GRID2: variants seen among roughly 807,000 people sequenced by gnomAD.
GRID2 encodes the protein glutamate ionotropic receptor delta type subunit 2, also known as glutamate receptor ionotropic, delta-2.
GRID2 carries 33 observed loss-of-function variants against 114.8 expected under a neutral mutation model. The ratio of observed to expected loss-of-function variants is 0.29; its 90% CI spans 0.22 to 0.38. The LOEUF is 0.38. Ranked by LOEUF, GRID2 falls within the 10% of genes least tolerant of loss-of-function variation. The pLI is 1.00. For synonymous variants in GRID2, 505 were observed against 449.9 expected (o/e 1.12, Z -1.55); for missense variants, 1,184 against 1,257.7 (o/e 0.94, Z 0.89).
chr4:92,770,384 C>T (rs1478559527), intron 2 of GRID2, among the ~76,000 whole-genome samples: 2 of 152,086 alleles, frequency 1.3e-5, no homozygotes, highest in Admixed American at 6.6e-5. Context: ...TCTTCTGAGC[C>T]CTCCAAACTG....
At chr4:92,794,037 T>A (rs112692531) in intron 2 of GRID2, among the ~76,000 whole-genome samples, 14 of 151,986 alleles carry the variant, frequency 9.2e-5, no homozygotes, top group African/African-American at 3.4e-4. Flanking sequence ...TTAGTGGCCA[T>A]TGTTTGGAAA....
At chr4:93,172,242 G>A (rs897947942) in intron 4 of GRID2, among the ~76,000 whole-genome samples, 3 of 152,220 alleles carry the variant, frequency 2.0e-5, no homozygotes, top group Non-Finnish European at 4.4e-5. Context: ...TATTGTCATG[G>A]ATACTGACAG....
intron 14 of GRID2, among the ~76,000 whole-genome samples, chr4:93,660,689 A>T (rs1723412633): frequency 6.6e-6 from 1 of 152,192 alleles, no homozygotes; most frequent in South Asian, 2.1e-4. Context: ...GCAATCTACC[A>T]AGTTAGCCTG....
intron 2 of GRID2, among the ~76,000 whole-genome samples, chr4:92,699,227 G>T (rs1419349689): frequency 6.6e-6 from 1 of 152,176 alleles, no homozygotes; most frequent in African/African-American, 2.4e-5. Flanking sequence ...TGTTGGGTGA[G>T]TTGCTGGATC....
intron 1 of GRID2, among the ~76,000 whole-genome samples, chr4:92,489,960 T>C (rs983040719): frequency 1.3e-5 from 2 of 152,140 alleles, no homozygotes; most frequent in Non-Finnish European, 2.9e-5. Context: ...AGCTACTTCT[T>C]TATATGAGGA....
intron 14 of GRID2, among the ~76,000 whole-genome samples, chr4:93,663,960 G>A (rs1444332316): frequency 6.6e-6 from 1 of 152,092 alleles, no homozygotes; most frequent in African/African-American, 2.4e-5. Context: ...CTGGATTCTA[G>A]TGCTACAAAG....
intron 2 of GRID2, among the ~76,000 whole-genome samples, chr4:92,632,707 G>A (rs1478035136): frequency 6.6e-6 from 1 of 151,738 alleles, no homozygotes; most frequent in East Asian, 1.9e-4. Context: ...GAAAGGGAAG[G>A]AAGGGAAGGA....
chr4:93,145,289 G>A (rs999952401), intron 4 of GRID2, among the ~76,000 whole-genome samples: 21 of 151,856 alleles, frequency 1.4e-4, no homozygotes, highest in African/African-American at 5.1e-4. Context: ...TTACTACTAT[G>A]TTTCTAGCAC....
chr4:92,659,437 C>A (rs775384084), intron 2 of GRID2, among the ~76,000 whole-genome samples: 4 of 151,558 alleles, frequency 2.6e-5, no homozygotes, highest in Non-Finnish European at 1.5e-5. Flanking sequence ...ACAAACTGAT[C>A]TCTCACTTTT....
chr4:92,641,511 C>T (rs1362982553), intron 2 of GRID2, among the ~76,000 whole-genome samples: 1 of 150,616 alleles, frequency 6.6e-6, no homozygotes, highest in Non-Finnish European at 1.5e-5. Context: ...AAAAAGAAAT[C>T]ATCAGAATTC....
chr4:92,830,640 C>T (rs529688037), intron 2 of GRID2, among the ~76,000 whole-genome samples: 1 of 152,236 alleles, frequency 6.6e-6, no homozygotes, highest in African/African-American at 2.4e-5. Flanking sequence ...CTGTTCTCAG[C>T]ACAGACTGCT....
At chr4:92,891,096 C>A (rs959070258) in intron 2 of GRID2, among the ~76,000 whole-genome samples, 1 of 151,944 alleles carries the variant, frequency 6.6e-6, no homozygotes, top group African/African-American at 2.4e-5. Context: ...GGGAACATCA[C>A]ACACCAGGGG....
intron 2 of GRID2, among the ~76,000 whole-genome samples, chr4:92,781,979 T>A (rs1326022897): frequency 6.6e-6 from 1 of 152,074 alleles, no homozygotes; most frequent in Non-Finnish European, 1.5e-5. Context: ...GACTTTATTG[T>A]TTTTACTTTC....
At chr4:92,991,377 G>T (rs916089789) in intron 2 of GRID2, among the ~76,000 whole-genome samples, 1 of 152,152 alleles carries the variant, frequency 6.6e-6, no homozygotes, top group African/African-American at 2.4e-5. Context: ...AGCATAGTAA[G>T]CTATCAAACT....
intron 14 of GRID2, among the ~76,000 whole-genome samples, chr4:93,660,965 GA>G (rs895682966): frequency 1.2e-4 from 18 of 150,118 alleles, no homozygotes; most frequent in East Asian, 2.0e-4. Flanking sequence ...TCCACAGGGG[GA>G]AAAAAAAAGC....
At chr4:93,534,170 A>G (rs890018575) in intron 13 of GRID2, among the ~76,000 whole-genome samples, 3 of 152,050 alleles carry the variant, frequency 2.0e-5, no homozygotes, top group African/African-American at 7.2e-5. Context: ...CTATTTCTAA[A>G]TGCAATACCC....
At chr4:92,852,594 T>C (rs961556884) in intron 2 of GRID2, among the ~76,000 whole-genome samples, 1 of 152,114 alleles carries the variant, frequency 6.6e-6, no homozygotes, top group Non-Finnish European at 1.5e-5. Flanking sequence ...TTCCTCATCA[T>C]CAAATGCAAT....
intron 1 of GRID2, among the ~76,000 whole-genome samples, chr4:92,537,938 C>T (rs944233728): frequency 6.6e-6 from 1 of 151,910 alleles, no homozygotes; most frequent in Non-Finnish European, 1.5e-5. Context: ...ACCCTCTCTC[C>T]ATCTCTATAA....
intron 14 of GRID2, among the ~76,000 whole-genome samples, chr4:93,683,700 T>C (rs532496165): frequency 1.3e-5 from 2 of 152,276 alleles, no homozygotes; most frequent in East Asian, 3.9e-4. Flanking sequence ...TCATTAAATA[T>C]GCCAAGATAC....
Sources: allele counts gnomAD v4.1 joint callset (sites outside exome capture counted in the v4.1 genomes callset), GRCh38; gene constraint gnomAD v4.1.1; transcripts MANE v1.5; gene names NCBI Gene and HGNC (gene_info 2026-07-23, HGNC 2026-07-21).